Variants in PIK3CD observed in about 807,000 individuals in gnomAD.
PIK3CD encodes the protein phosphatidylinositol 4,5-bisphosphate 3-kinase catalytic subunit delta isoform.
PIK3CD carries 20 observed loss-of-function variants against 122.9 expected under a neutral mutation model. That is an observed-to-expected ratio of 0.16 (90% confidence interval 0.11 to 0.24). The LOEUF (loss-of-function observed/expected upper bound fraction) is 0.24, where lower values mean the gene tolerates loss of function less well. Ranked by LOEUF, PIK3CD falls within the 10% of genes least tolerant of loss-of-function variation. PIK3CD has a pLI of 1.00. For missense variants in PIK3CD, 787 were observed against 1,406.3 expected (o/e 0.56, Z 7.04); for synonymous variants, 596 against 593.4 (o/e 1.00, Z -0.06).
chr1:9,697,771 C>A (rs1322279771), intron 2 of PIK3CD, among the ~76,000 whole-genome samples: 1 of 151,854 alleles, frequency 6.6e-6, no homozygotes, highest in Admixed American at 6.6e-5. Context: ...TGGCTCACAC[C>A]TGTAATCCTG....
At chr1:9,643,207 G>A in the PIK3CD span, among the ~76,000 whole-genome samples, 27 of 151,294 alleles carry the variant, frequency 1.8e-4, no homozygotes, top group Non-Finnish European at 2.5e-4. Context: ...TCGGGAGTTC[G>A]AGACCAGCCT....
At chr1:9,721,731 G>T in intron 15 of PIK3CD, 30 bp from the exon 16 acceptor site, 1 of 1,610,346 alleles carries the variant, frequency 6.2e-7, no homozygotes. Flanking sequence ...GTGCTGCCTG[G>T]TGAGGCTCAG....
chr1:9,720,572 C>T lies in PIK3CD; in HGVS notation c.1471-39C>T. On this transcript the variant is annotated intron_variant, in intron 11 of 23. Coordinates refer to ENST00000377346, the MANE Select transcript of PIK3CD (RefSeq NM_005026.5). This position sits in a 1 kb window ranked among gnomAD's most constrained non-coding sequence, Gnocchi z 9.0. ...CCTGGGGGTCCTGCCCGGGCTGGTC[C>T]AGGCCCCTGGGGACGCTGAGTGCAG... 6.5e-7 allele frequency: 1 copy of T among 1,549,520 alleles called. No homozygotes were observed. Among genetic ancestry groups the T allele is most frequent in the Non-Finnish European group, 8.7e-7 (1 of 1,146,650 alleles).
In PIK3CD at chr1:9,717,561, C is replaced by G. The variant is rs1452381525; in HGVS notation, c.955C>G (p.Leu319Val). 2 of 1,614,086 alleles carry G rather than the reference C, an allele frequency of 1.2e-6. No homozygotes were observed. Among genetic ancestry groups the G allele is most frequent in the Admixed American group, 1.7e-5 (1 of 60,020 alleles). The change falls in exon 8 of 24, where the codon CTG (leucine) becomes GTG (valine). Residue 319 changes from leucine to valine, a missense_variant. Physicochemically the swap from Leu to Val is conservative, Grantham distance 32. This residue lies in a region of PIK3CD where 592 missense variants were observed against 920.6 expected (regional missense o/e 0.64). Coordinates refer to ENST00000377346, the MANE Select transcript of PIK3CD (RefSeq NM_005026.5). This position sits in a 1 kb window ranked among gnomAD's most constrained non-coding sequence, Gnocchi z 5.4. ...GCCTTCCTCTGTGTCCCTGTGGTCC[C>G]TGGAGCAGCCGTTCCGCATCGAGCT... ...KKPSSVSLWS[L>V]EQPFRIELIQ...
rs1646604831 is a variant in PIK3CD, at chr1:9,700,988, C to T, written c.-33+9417C>T. Among the ~76,000 whole-genome samples the T allele has an allele frequency of 6.6e-6, 1 of 152,130 alleles. No homozygotes were observed. Reference sequence around the variant, plus strand: ...TGTCATTAGTGGCACCGGCCTCCTTCCCCTGCCCCCTACTCCCCTTCCTCC... The same window carrying T: ...TGTCATTAGTGGCACCGGCCTCCTTTCCCTGCCCCCTACTCCCCTTCCTCC... On this transcript the variant is annotated intron_variant, in intron 2 of 23. Transcript: ENST00000377346. This position sits in a 1 kb window ranked among gnomAD's most constrained non-coding sequence, Gnocchi z 5.1.
chr1:9,721,408 G>A lies in PIK3CD; in HGVS notation c.1812-36G>A, dbSNP rs776186454. 1.9e-6 allele frequency: 3 copies of A among 1,611,906 alleles called. No homozygotes were observed. The African/African-American group carries it at 4.0e-5, about 22-fold the overall frequency. On this transcript the variant is annotated intron_variant, in intron 14 of 23. Coordinates refer to ENST00000377346, the MANE Select transcript of PIK3CD (RefSeq NM_005026.5). ...GGGAGCTCCCTCCTGTCCTGAGTCG[G>A]GGAGCTCCAGGCCCCAGCGCCTTCC...
Position 9,724,785 on chromosome 1 carries a change from C to T in PIK3CD, c.2865-19C>T, listed in dbSNP as rs371194095. 8.6e-5 allele frequency: 139 copies of T among 1,612,196 alleles called. 1 individual carries two copies. The East Asian group carries it at 1.8e-3, about 21-fold the overall frequency. ...CTGGGAGTTCCCAGAGCCTCACTTC[C>T]TCTGTCCCCTACCTGCAGGTTCCGG... On this transcript the variant is annotated intron_variant, in intron 22 of 23. Coordinates refer to ENST00000377346, the MANE Select transcript of PIK3CD (RefSeq NM_005026.5). This position sits in a 1 kb window ranked among gnomAD's most constrained non-coding sequence, Gnocchi z 7.3.
intron 1 of PIK3CD, among the ~76,000 whole-genome samples, chr1:9,691,221 T>C (rs1415210791): frequency 2.0e-5 from 3 of 152,204 alleles, no homozygotes; most frequent in Admixed American, 6.5e-5. Context: ...TGAGTGCACA[T>C]TCCTGCTCCA....
At chr1:9,670,629 CG>C (rs1366949857) in intron 1 of PIK3CD, among the ~76,000 whole-genome samples, 4 of 151,996 alleles carry the variant, frequency 2.6e-5, no homozygotes, top group South Asian at 4.2e-4. Context: ...GTAGAGATGT[CG>C]TAAAGATTGG....
chr1:9,708,445 T>C (rs1288281369), intron 2 of PIK3CD, among the ~76,000 whole-genome samples: 1 of 151,876 alleles, frequency 6.6e-6, no homozygotes. Flanking sequence ...CCTCCCAAAG[T>C]GCTGGGACTG....
the PIK3CD span, among the ~76,000 whole-genome samples, chr1:9,641,119 T>G: frequency 6.6e-6 from 1 of 152,188 alleles, no homozygotes; most frequent in South Asian, 2.1e-4. Context: ...TCTTCCTTAC[T>G]GAGTATAAAC....
At position 9,722,665 on chromosome 1, in the gene PIK3CD, C is replaced by T; in HGVS notation, c.2426+59C>T. 1 of 1,401,780 alleles carries T rather than the reference C, an allele frequency of 7.1e-7. No individual in the cohort carries two copies. The highest frequency in any genetic ancestry group is 1.0e-6 in the Non-Finnish European group (1 of 988,132). 86.8% of individuals were successfully genotyped at this position (1,401,780 alleles called of 1,614,324 possible). A position where few individuals can be genotyped will look rare whatever the true frequency, so the allele number is the denominator to read the frequency against. On this transcript the variant is annotated intron_variant, in intron 19 of 23. Coordinates refer to ENST00000377346, the MANE Select transcript of PIK3CD (RefSeq NM_005026.5). The surrounding 1 kb of genome is among the most constrained non-coding windows in gnomAD (Gnocchi z 7.6). ...TCTGTGCCCAGCCTGGGAGTCTGTG[C>T]CCCTGGAGGGGTCCTTGTTGAAGGT...
chr1:9,678,410 T>C (rs1202642316), intron 1 of PIK3CD, among the ~76,000 whole-genome samples: 1 of 152,060 alleles, frequency 6.6e-6, no homozygotes, highest in East Asian at 1.9e-4. Context: ...GAGCCTATTA[T>C]GGCATTGGAC....
intron 1 of PIK3CD, chr1:9,653,751 C>A: frequency 7.6e-7 from 1 of 1,312,590 alleles, no homozygotes. Context: ...ATGCCAACCC[C>A]TTAGCATTTC....
intron 1 of PIK3CD, among the ~76,000 whole-genome samples, chr1:9,684,365 C>T (rs1295678866): frequency 6.6e-6 from 1 of 151,918 alleles, no homozygotes; most frequent in African/African-American, 2.4e-5. Flanking sequence ...GATGAAACCC[C>T]ATCTGTACTG....
chr1:9,703,495 A>G (rs1159228791), intron 2 of PIK3CD, among the ~76,000 whole-genome samples: 1 of 152,110 alleles, frequency 6.6e-6, no homozygotes, highest in Non-Finnish European at 1.5e-5. Context: ...GAAGCCTCCC[A>G]TGCGCCCTTC....
In PIK3CD at chr1:9,724,215, C is replaced by G; in HGVS notation, c.2719-61C>G. ...CCCAGCCCTGCTGGCTTCCTGTCTC[C>G]CCTGGATTCTCTCCTGTCTGACACC... On this transcript the variant is annotated intron_variant, in intron 21 of 23. Transcript: ENST00000377346. The surrounding 1 kb of genome is among the most constrained non-coding windows in gnomAD (Gnocchi z 7.3). 6.2e-7 allele frequency: 1 copy of G among 1,613,008 alleles called. No homozygotes were observed. Among genetic ancestry groups the G allele is most frequent in the Non-Finnish European group, 8.5e-7 (1 of 1,179,504 alleles).
chr1:9,668,255 T>C (rs948794921), intron 1 of PIK3CD, among the ~76,000 whole-genome samples: 1 of 152,076 alleles, frequency 6.6e-6, no homozygotes, highest in Non-Finnish European at 1.5e-5. Flanking sequence ...ACCGTAGCTC[T>C]TCCACTTCCC....
intron 23 of PIK3CD, among the ~76,000 whole-genome samples, chr1:9,725,368 A>G (rs566582459): frequency 1.3e-5 from 2 of 151,916 alleles, no homozygotes; most frequent in African/African-American, 2.4e-5. Flanking sequence ...AGCCTGACCA[A>G]CATGGAGAAA....
Sources: gnomAD v4.1 joint callset for allele counts (sites outside exome capture counted in the v4.1 genomes callset) on GRCh38, gnomAD v4.1.1 for gene constraint, gnomAD v4.1.1 regional missense constraint, Gnocchi (gnomAD v3.1) non-coding constraint, MANE v1.5 for transcripts, NCBI Gene and HGNC (gene_info 2026-07-23, HGNC 2026-07-21) for gene names.